Variants in CFAP58 observed in about 807,000 individuals in gnomAD.
CFAP58 encodes the protein cilia and flagella associated protein 58, also known as cilia- and flagella-associated protein 58.
CFAP58 carries 88 observed loss-of-function variants against 119.5 expected under a neutral mutation model. That is an observed-to-expected ratio of 0.74 (90% confidence interval 0.62 to 0.88). The LOEUF is 0.88. Ranked by LOEUF, CFAP58 falls within the 40% of genes least tolerant of loss-of-function variation. CFAP58 has a pLI of 0.00. For synonymous variants in CFAP58, 365 were observed against 366.3 expected (o/e 1.00, Z 0.04); for missense variants, 990 against 1,021.2 (o/e 0.97, Z 0.42).
intron 8 of CFAP58, among the ~76,000 whole-genome samples, chr10:104,377,578 G>C (rs1005281385): frequency 2.0e-5 from 3 of 152,192 alleles, no homozygotes; most frequent in African/African-American, 7.2e-5. Flanking sequence ...ATTTCTTCCA[G>C]GGAGGAAGAA....
At position 104,447,779 on chromosome 10, in the gene CFAP58, T is replaced by C; in HGVS notation, c.2338T>C (p.Tyr780His). ...GPEAAEQLKL[Y>H]RRTLHDKKQQ... ...TGAGGCTGCGGAACAGCTGAAGCTG[T>C]ACCGACGCACGCTGCATGACAAGAA... The change falls in exon 16 of 18, where the codon TAC becomes CAC. Residue 780 changes from tyrosine (Y) to histidine (H), a missense_variant. Physicochemically the swap from Tyr to His is moderately conservative, Grantham distance 83. Transcript: ENST00000369704. The C allele has an allele frequency of 6.2e-7, 1 of 1,614,096 alleles. No homozygotes were observed. Among genetic ancestry groups the C allele is most frequent in the Non-Finnish European group, 8.5e-7 (1 of 1,179,980 alleles).
At position 104,390,281 on chromosome 10, in the gene CFAP58, A is replaced by G. The variant is rs141565230; in HGVS notation, c.1366-1952A>G. Among the ~76,000 whole-genome samples, 204 of 152,328 alleles carry G rather than the reference A, an allele frequency of 1.3e-3. 3 individuals carry two copies. In the East Asian group the frequency reaches 0.037, roughly 28 times the overall value. On this transcript the variant is annotated intron_variant, in intron 9 of 17. Coordinates refer to ENST00000369704, the MANE Select transcript of CFAP58 (RefSeq NM_001008723.2). ...TATGATGGCACACCCACTCTATAGGATATTATGCAACCTTTAAAGAGAATG... is the reference window on the plus strand; with the variant it reads ...TATGATGGCACACCCACTCTATAGGGTATTATGCAACCTTTAAAGAGAATG...
chr10:104,364,389 G>C (rs35976371), intron 3 of CFAP58, among the ~76,000 whole-genome samples: 31,048 of 150,400 alleles, frequency 0.21, 3,713 homozygotes, highest in Middle Eastern at 0.32. Context: ...GAGATAATCA[G>C]TGATATGTTT....
chr10:104,442,111 TTTG>T (rs2013045300), intron 15 of CFAP58, among the ~76,000 whole-genome samples: 1 of 152,164 alleles, frequency 6.6e-6, no homozygotes, highest in South Asian at 2.1e-4. Context: ...ACTTTTGTCT[TTTG>T]TTAAGAATTA....
intron 14 of CFAP58, among the ~76,000 whole-genome samples, chr10:104,404,711 G>A (rs58894656): frequency 0.027 from 4,062 of 152,086 alleles, 128 homozygotes; most frequent in African/African-American, 0.076. Flanking sequence ...CCGGGTTCAC[G>A]CCATTCTCCT....
chr10:104,416,225 A>AGC (rs1206564570), intron 15 of CFAP58, among the ~76,000 whole-genome samples: 2 of 152,236 alleles, frequency 1.3e-5, no homozygotes, highest in African/African-American at 2.4e-5. Flanking sequence ...GATGAGTGGA[A>AGC]GCACACTACC....
intron 16 of CFAP58, among the ~76,000 whole-genome samples, chr10:104,449,331 T>G (rs2013158612): frequency 6.6e-6 from 1 of 152,086 alleles, no homozygotes; most frequent in South Asian, 2.1e-4. Flanking sequence ...AGAGGAAAAA[T>G]AAATCCAGCC....
chr10:104,411,810 T>G (rs2012465731), intron 15 of CFAP58, among the ~76,000 whole-genome samples: 1 of 152,104 alleles, frequency 6.6e-6, no homozygotes. Context: ...TTAGGTTTCC[T>G]TGTGGTCTTC....
At chr10:104,437,407 AC>A (rs1689296988) in intron 15 of CFAP58, among the ~76,000 whole-genome samples, 1 of 152,232 alleles carries the variant, frequency 6.6e-6, no homozygotes, top group Non-Finnish European at 1.5e-5. Context: ...CCTTACTCAG[AC>A]ATCCCTCCAG....
intron 15 of CFAP58, among the ~76,000 whole-genome samples, chr10:104,421,449 C>T (rs779562159): frequency 6.6e-6 from 1 of 152,236 alleles, no homozygotes. Context: ...TTCTCTTGCT[C>T]TCCTAGCCTG....
At chr10:104,438,341 GTTTTTTGT>G (rs2012970306) in intron 15 of CFAP58, among the ~76,000 whole-genome samples, 1 of 101,290 alleles carries the variant, frequency 9.9e-6, no homozygotes, top group African/African-American at 4.5e-5. Context: ...TTTGTTTTTT[GTTTTTTGT>G]TTTTTTTTTT....
chr10:104,381,150 AAAACAAAC>A (rs112632567), intron 9 of CFAP58, among the ~76,000 whole-genome samples: 37 of 152,152 alleles, frequency 2.4e-4, no homozygotes, highest in African/African-American at 8.0e-4. Context: ...ATCCTGTCTC[AAAACAAAC>A]AAACAAACAA....
chr10:104,447,697 G>A lies in CFAP58; in HGVS notation c.2257-1G>A. ...CTGCTCCTGGTTCTGCTCTCCACTAGGAAAAGGAGAAACTCTACATGGAAC... is the reference window on the plus strand; with the variant it reads ...CTGCTCCTGGTTCTGCTCTCCACTAAGAAAAGGAGAAACTCTACATGGAAC... On this transcript the variant is annotated splice_acceptor_variant, in intron 15 of 17. Coordinates refer to ENST00000369704, the MANE Select transcript of CFAP58 (RefSeq NM_001008723.2). LOFTEE classifies it high-confidence loss of function. The A allele has an allele frequency of 1.2e-6, 2 of 1,613,954 alleles. No individual in the cohort carries two copies. Among genetic ancestry groups the A allele is most frequent in the Non-Finnish European group, 1.7e-6 (2 of 1,179,946 alleles).
At chr10:104,406,922 T>C in intron 15 of CFAP58, 129 bp downstream of exon 15, 1 of 666,520 alleles carries the variant, frequency 1.5e-6, no homozygotes, top group South Asian at 1.8e-5. Flanking sequence ...CAACAGTGAC[T>C]TACACATAAA....
At chr10:104,396,486 T>C (rs2012164916) in intron 11 of CFAP58, among the ~76,000 whole-genome samples, 1 of 150,698 alleles carries the variant, frequency 6.6e-6, no homozygotes, top group Admixed American at 6.6e-5. Context: ...GCCTAATTAT[T>C]CTCATGGCTA....
intron 7 of CFAP58, among the ~76,000 whole-genome samples, chr10:104,374,852 A>G (rs1224877724): frequency 2.6e-5 from 4 of 151,768 alleles, no homozygotes; most frequent in Non-Finnish European, 4.4e-5. Context: ...ACTGCAAAAA[A>G]AAAAAAAAAG....
intron 8 of CFAP58, among the ~76,000 whole-genome samples, chr10:104,379,144 C>A (rs1230026412): frequency 1.3e-5 from 2 of 151,976 alleles, no homozygotes; most frequent in African/African-American, 4.8e-5. Flanking sequence ...AGAAGAAACC[C>A]TGTACCTATT....
chr10:104,392,661 G>C (rs2012072120), intron 10 of CFAP58, among the ~76,000 whole-genome samples: 2 of 127,296 alleles, frequency 1.6e-5, no homozygotes, highest in South Asian at 4.8e-4. Context: ...TTTTTTTTGA[G>C]ATGGAGTCTC....
At chr10:104,438,334 G>GTTTTTTTTTTTTT (rs1564904693) in intron 15 of CFAP58, among the ~76,000 whole-genome samples, 1 of 111,368 alleles carries the variant, frequency 9.0e-6, no homozygotes, top group Non-Finnish European at 1.9e-5. Flanking sequence ...TTGTTTTTTT[G>GTTTTTTTTTTTTT]TTTTTTGTTT....
Sources: allele counts gnomAD v4.1 joint callset (sites outside exome capture counted in the v4.1 genomes callset), GRCh38; gene constraint gnomAD v4.1.1; transcripts MANE v1.5; gene names NCBI Gene and HGNC (gene_info 2026-07-23, HGNC 2026-07-21).